The following HMCN1 variants were observed in gnomAD, a reference collection of about 807,000 sequenced individuals.
HMCN1 encodes the protein hemicentin 1, also known as hemicentin-1.
HMCN1 carries 321 observed loss-of-function variants against 625.9 expected under a neutral mutation model. The observed-to-expected ratio is 0.51, with a 90% CI of 0.47 to 0.56. HMCN1 has a LOEUF of 0.56. Ranked by LOEUF, HMCN1 falls within the 20% of genes least tolerant of loss-of-function variation. HMCN1 has a pLI of 0.00. For missense variants in HMCN1, 6,588 were observed against 6,887.3 expected (o/e 0.96, Z 1.54); for synonymous variants, 2,425 against 2,417.6 (o/e 1.00, Z -0.09).
At position 186,016,223 on chromosome 1, in the gene HMCN1, T is replaced by A; in HGVS notation, c.5175T>A (p.Tyr1725Ter). ...TGGCAGGAGAAAAGGAAATCAAATA[T>A]GAAGTTGATGTCTTGGGTAAATAAG... is the stretch of plus-strand genomic sequence containing the variant. ...TSVAGEKEIK[Y>*]EVDVLVPPAI... The change falls in exon 32 of 107, where the codon TAT (tyrosine) becomes TAA (stop). Residue 1725 changes from tyrosine (Y) to a stop codon, truncating the protein, a stop_gained. Transcript: ENST00000271588. LOFTEE classifies it high-confidence loss of function. 6.2e-7 allele frequency: 1 copy of A among 1,612,938 alleles called. No homozygotes were observed. Among genetic ancestry groups the A allele is most frequent in the Non-Finnish European group, 8.5e-7 (1 of 1,179,164 alleles).
intron 68 of HMCN1, among the ~76,000 whole-genome samples, chr1:186,095,824 C>T (rs574585993): frequency 6.6e-6 from 1 of 152,218 alleles, no homozygotes; most frequent in South Asian, 2.1e-4. Context: ...ATTGAAAACA[C>T]ATCCGATTAT....
chr1:185,915,890 G>A (rs1437843133), intron 6 of HMCN1, among the ~76,000 whole-genome samples: 1 of 152,030 alleles, frequency 6.6e-6, no homozygotes, highest in Admixed American at 6.6e-5. Flanking sequence ...TAGCATTAAT[G>A]TTTTGGGTCA....
intron 1 of HMCN1, among the ~76,000 whole-genome samples, chr1:185,826,492 C>G (rs1660519090): frequency 6.6e-6 from 1 of 152,146 alleles, no homozygotes; most frequent in Admixed American, 6.5e-5. Context: ...AGCTACGAGA[C>G]AGCCATTTAT....
chr1:186,071,283 A>G (rs1046620805), intron 52 of HMCN1, among the ~76,000 whole-genome samples: 2 of 152,184 alleles, frequency 1.3e-5, no homozygotes, highest in African/African-American at 2.4e-5. Context: ...ATGTTTTAAA[A>G]TATTCCAAGA....
intron 30 of HMCN1, among the ~76,000 whole-genome samples, chr1:186,007,971 A>G (rs904891865): frequency 1.3e-5 from 2 of 152,152 alleles, no homozygotes; most frequent in African/African-American, 4.8e-5. Flanking sequence ...TCCATGGTGT[A>G]TGATGCTCAA....
chr1:185,996,678 A>G (rs1652810272), intron 24 of HMCN1, among the ~76,000 whole-genome samples: 1 of 151,954 alleles, frequency 6.6e-6, no homozygotes, highest in Admixed American at 6.6e-5. Flanking sequence ...AAAAGAAGGG[A>G]ATGGGCTAAA....
intron 48 of HMCN1, among the ~76,000 whole-genome samples, chr1:186,063,058 G>GCA (rs1657822591): frequency 2.2e-5 from 2 of 92,820 alleles, no homozygotes; most frequent in Non-Finnish European, 4.0e-5. Context: ...GTGTGTGTGT[G>GCA]TGTGTGTGCA....
intron 30 of HMCN1, among the ~76,000 whole-genome samples, chr1:186,013,458 G>C (rs1206588708): frequency 2.0e-5 from 3 of 152,132 alleles, no homozygotes; most frequent in Non-Finnish European, 4.4e-5. Flanking sequence ...TTATGTGTGA[G>C]AAAAATATGT....
intron 13 of HMCN1, among the ~76,000 whole-genome samples, chr1:185,964,993 A>G (rs1481170969): frequency 6.6e-6 from 1 of 152,138 alleles, no homozygotes; most frequent in Admixed American, 6.6e-5. Context: ...AAGAGAGTCT[A>G]TGGAATTTTG....
chr1:185,944,408 A>G (rs1030177789), intron 11 of HMCN1, among the ~76,000 whole-genome samples: 2 of 152,204 alleles, frequency 1.3e-5, no homozygotes, highest in African/African-American at 4.8e-5. Flanking sequence ...TCATCCATGT[A>G]ACAGAGATCC....
intron 11 of HMCN1, among the ~76,000 whole-genome samples, chr1:185,949,743 A>C (rs1178301208): frequency 6.6e-6 from 1 of 151,876 alleles, no homozygotes. Context: ...TATCCAGTGA[A>C]AGTATCTGCC....
At chr1:185,926,736 C>A (rs1026636000) in intron 9 of HMCN1, among the ~76,000 whole-genome samples, 1 of 152,124 alleles carries the variant, frequency 6.6e-6, no homozygotes, top group African/African-American at 2.4e-5. Flanking sequence ...CTCTCATGTC[C>A]CTGCCCTAGA....
Position 186,145,529 on chromosome 1 carries a change from G to A in HMCN1, c.14393G>A (p.Gly4798Glu), listed in dbSNP as rs1374565381. The change falls in exon 92 of 107, where the codon GGA becomes GAA. Residue 4798 changes from glycine (G) to glutamate (E), a missense_variant. Physicochemically the swap from Gly to Glu is moderately conservative, Grantham distance 98 (BLOSUM62 -2). Coordinates refer to ENST00000271588, the MANE Select transcript of HMCN1 (RefSeq NM_031935.3). ...TCCAATGGGGGAAGAGCTTGTGGGG[G>A]ACCAGACTCCCAGATCCAGAGGTGC... ...PPSNGGRACG[G>E]PDSQIQRCNT... The A allele has an allele frequency of 1.9e-6, 3 of 1,613,964 alleles. No homozygotes were observed. Among genetic ancestry groups the A allele is most frequent in the South Asian group, 1.1e-5 (1 of 91,082 alleles).
chr1:186,119,928 G>A (rs751822192), intron 79 of HMCN1, 46 bp downstream of exon 79: 2 of 1,613,794 alleles, frequency 1.2e-6, no homozygotes, highest in South Asian at 2.2e-5. Flanking sequence ...GCACATCAGT[G>A]TTTTATAATT....
intron 4 of HMCN1, among the ~76,000 whole-genome samples, chr1:185,907,549 TG>T (rs1370075428): frequency 6.6e-6 from 1 of 152,066 alleles, no homozygotes; most frequent in Non-Finnish European, 1.5e-5. Context: ...TCAACATATT[TG>T]GAGTACTTCG....
intron 98 of HMCN1, 34 bp from the exon 99 acceptor site, chr1:186,166,150 A>T (rs756565905): frequency 6.2e-7 from 1 of 1,612,752 alleles, no homozygotes; most frequent in South Asian, 1.1e-5. Context: ...AGGATTTTAC[A>T]TACTGATTTG....
In HMCN1 at chr1:186,015,176, G is replaced by C; in HGVS notation, c.4648G>C (p.Gly1550Arg). Reference sequence around the variant, plus strand: ...CTTTGTAGTTCCACCTAGTATTAAAGGAGGAAATGTCACCACAGACATATC... The same window carrying C: ...CTTTGTAGTTCCACCTAGTATTAAACGAGGAAATGTCACCACAGACATATC... The part of the protein sequence containing the change: ...LTIYIPPSIK[G>R]GNVTTDISVL... The change falls in exon 31 of 107, where the codon GGA becomes CGA. Residue 1550 changes from glycine to arginine, a missense_variant. Coordinates refer to ENST00000271588, the MANE Select transcript of HMCN1 (RefSeq NM_031935.3). The C allele has an allele frequency of 6.2e-7, 1 of 1,613,482 alleles. No homozygotes were observed. Among genetic ancestry groups the C allele is most frequent in the East Asian group, 2.2e-5 (1 of 44,842 alleles).
intron 97 of HMCN1, 39 bp from the exon 98 acceptor site, chr1:186,165,072 C>A: frequency 1.3e-6 from 2 of 1,581,106 alleles, no homozygotes; most frequent in Non-Finnish European, 1.7e-6. Context: ...GGCAACTATT[C>A]CAATAAGCCA....
chr1:185,750,383 A>C (rs947813620), intron 1 of HMCN1, among the ~76,000 whole-genome samples: 1 of 152,198 alleles, frequency 6.6e-6, no homozygotes, highest in African/African-American at 2.4e-5. Context: ...GTTATTGTCC[A>C]ATTGATCTAT....
Sources: allele counts gnomAD v4.1 joint callset (sites outside exome capture counted in the v4.1 genomes callset), GRCh38; gene constraint gnomAD v4.1.1; transcripts MANE v1.5; gene names NCBI Gene and HGNC (gene_info 2026-07-23, HGNC 2026-07-21).